RIMS1: variants seen among roughly 807,000 people sequenced by gnomAD.
RIMS1 encodes regulating synaptic membrane exocytosis protein 1.
In RIMS1, 83 loss-of-function variants were observed where a neutral mutation model predicts 214.1. The observed-to-expected ratio is 0.39, with a 90% CI of 0.32 to 0.47. The LOEUF (loss-of-function observed/expected upper bound fraction) is 0.47, where lower values mean the gene tolerates loss of function less well. Among genes scored for constraint, RIMS1 ranks in the 20% least tolerant of loss-of-function variants. The pLI, the probability that RIMS1 is intolerant of heterozygous loss-of-function variation, is 0.99. For missense variants in RIMS1, 2,050 were observed against 2,161.8 expected (o/e 0.95, Z 1.03); for synonymous variants, 793 against 786.8 (o/e 1.01, Z -0.13).
At chr6:72,062,911 A>G (rs113280857) in intron 2 of RIMS1, among the ~76,000 whole-genome samples, 25 of 152,058 alleles carry the variant, frequency 1.6e-4, no homozygotes, top group African/African-American at 5.8e-4. Context: ...TCCCCTTTTC[A>G]TAAGCCCTAA....
intron 24 of RIMS1, 116 bp from the exon 25 acceptor site, chr6:72,290,563 C>T (rs866659375): frequency 1.1e-5 from 9 of 824,146 alleles, no homozygotes; most frequent in South Asian, 9.5e-5. Context: ...GATGGGTTCT[C>T]TTCTTTGAAA....
At chr6:72,204,090 G>A (rs2052500099) in intron 6 of RIMS1, among the ~76,000 whole-genome samples, 1 of 152,296 alleles carries the variant, frequency 6.6e-6, no homozygotes, top group Admixed American at 6.5e-5. Context: ...TTCACTTTCT[G>A]ACTGACTAGC....
rs985216768 is a variant in RIMS1, at chr6:72,252,840, G to T, written c.2770+8G>T. 3 of 1,550,672 alleles carry T rather than the reference G, an allele frequency of 1.9e-6. No individual in the cohort carries two copies. The highest frequency in any genetic ancestry group is 2.6e-6 in the Non-Finnish European group (3 of 1,145,316). Reference sequence around the variant, plus strand: ...TTGGCGTAGTTCCTCCAGGTGCGTGGGTGAGGAGCATGACCCTGCTTCACT... The same window carrying T: ...TTGGCGTAGTTCCTCCAGGTGCGTGTGTGAGGAGCATGACCCTGCTTCACT... On this transcript the variant is annotated splice_region_variant and intron_variant, in intron 16 of 33. Coordinates refer to ENST00000521978, the MANE Select transcript of RIMS1 (RefSeq NM_014989.7).
intron 1 of RIMS1, among the ~76,000 whole-genome samples, chr6:71,896,668 A>G (rs570745378): frequency 1.2e-4 from 19 of 152,326 alleles, no homozygotes; most frequent in Admixed American, 5.2e-4. Context: ...ATACTCAAGA[A>G]CACAAAATAG....
intron 2 of RIMS1, among the ~76,000 whole-genome samples, chr6:72,003,117 A>T (rs1400760057): frequency 6.6e-6 from 1 of 152,088 alleles, no homozygotes; most frequent in East Asian, 1.9e-4. Flanking sequence ...ATGAGGGAGG[A>T]CTCAAAATAA....
chr6:72,005,703 T>A (rs1417449903), intron 2 of RIMS1, among the ~76,000 whole-genome samples: 1 of 152,210 alleles, frequency 6.6e-6, no homozygotes, highest in Non-Finnish European at 1.5e-5. Context: ...TTAACAGTAT[T>A]TGCTTATTCA....
intron 1 of RIMS1, among the ~76,000 whole-genome samples, chr6:71,954,029 G>A (rs1456157481): frequency 6.6e-6 from 1 of 152,158 alleles, no homozygotes; most frequent in Non-Finnish European, 1.5e-5. Context: ...AGTAATAGGA[G>A]TAGATGAGAC....
intron 27 of RIMS1, among the ~76,000 whole-genome samples, chr6:72,311,835 G>A (rs1234733943): frequency 6.6e-6 from 1 of 152,092 alleles, no homozygotes; most frequent in East Asian, 1.9e-4. Flanking sequence ...GCCAGGTGTG[G>A]CACCGTGCGC....
chr6:72,096,592 T>C (rs1014167679), intron 2 of RIMS1, among the ~76,000 whole-genome samples: 42 of 152,260 alleles, frequency 2.8e-4, no homozygotes, highest in African/African-American at 1.0e-3. Context: ...GTTTCAGTTA[T>C]ATGCACACAT....
intron 29 of RIMS1, among the ~76,000 whole-genome samples, chr6:72,342,593 C>A (rs2097130244): frequency 6.6e-6 from 1 of 150,998 alleles, no homozygotes; most frequent in African/African-American, 2.4e-5. Context: ...TTGTACCAGA[C>A]TCTGTAATTG....
At chr6:72,129,342 T>C (rs948002549) in intron 4 of RIMS1, among the ~76,000 whole-genome samples, 5 of 152,092 alleles carry the variant, frequency 3.3e-5, no homozygotes, top group South Asian at 4.1e-4. Flanking sequence ...TTTCACTGGG[T>C]ATAAGAGGTA....
intron 4 of RIMS1, among the ~76,000 whole-genome samples, chr6:72,151,482 C>T (rs2043580094): frequency 6.6e-6 from 1 of 152,198 alleles, no homozygotes; most frequent in Admixed American, 6.5e-5. Flanking sequence ...TTATAACCTA[C>T]TCATATTAGT....
At chr6:71,922,006 A>G (rs965188986) in intron 1 of RIMS1, among the ~76,000 whole-genome samples, 48 of 152,178 alleles carry the variant, frequency 3.2e-4, no homozygotes, top group African/African-American at 1.1e-3. Context: ...TTTAATCACT[A>G]TATAGAATCC....
chr6:71,976,552 C>A (rs7739862), intron 2 of RIMS1, among the ~76,000 whole-genome samples: 80,644 of 151,856 alleles, frequency 0.53, 21,875 homozygotes, highest in East Asian at 0.82. Flanking sequence ...ATAGTCTTTT[C>A]ATTTTCTTGA....
chr6:72,010,673 A>T (rs1182871380), intron 2 of RIMS1, among the ~76,000 whole-genome samples: 1 of 152,142 alleles, frequency 6.6e-6, no homozygotes, highest in Admixed American at 6.5e-5. Flanking sequence ...AAGCATTCTT[A>T]TACACCAATA....
At chr6:71,953,667 A>G (rs1790325025) in intron 1 of RIMS1, among the ~76,000 whole-genome samples, 2 of 152,224 alleles carry the variant, frequency 1.3e-5, no homozygotes, top group Non-Finnish European at 2.9e-5. Context: ...TCCTAAATAT[A>G]AAAACATACT....
At chr6:71,938,336 G>A (rs1159004676) in intron 1 of RIMS1, among the ~76,000 whole-genome samples, 2 of 152,182 alleles carry the variant, frequency 1.3e-5, no homozygotes, top group Admixed American at 6.5e-5. Flanking sequence ...CATTGCCCTT[G>A]TGGGGACTCT....
At chr6:72,294,747 A>G (rs896294087) in intron 26 of RIMS1, among the ~76,000 whole-genome samples, 16 of 151,764 alleles carry the variant, frequency 1.1e-4, no homozygotes, top group South Asian at 4.1e-4. Context: ...TGTTTAATCA[A>G]TTTTTGAAAA....
At chr6:72,169,168 C>A (rs568846939) in intron 4 of RIMS1, among the ~76,000 whole-genome samples, 1 of 152,034 alleles carries the variant, frequency 6.6e-6, no homozygotes. Flanking sequence ...GCAAGGTATT[C>A]TTTTTGGGTA....
Sources: gnomAD v4.1 joint callset for allele counts (sites outside exome capture counted in the v4.1 genomes callset) on GRCh38, gnomAD v4.1.1 for gene constraint, MANE v1.5 for transcripts, NCBI Gene and HGNC (gene_info 2026-07-23, HGNC 2026-07-21) for gene names.